The following NRP2 variants were observed in gnomAD, a reference collection of about 807,000 sequenced individuals.
NRP2 encodes neuropilin-2.
In NRP2, 52 loss-of-function variants were observed where a neutral mutation model predicts 110.4. The observed-to-expected ratio is 0.47, with a 90% CI of 0.38 to 0.59. The LOEUF (loss-of-function observed/expected upper bound fraction) is 0.59. Ranked by LOEUF, NRP2 falls within the 20% of genes least tolerant of loss-of-function variation. The pLI is 0.00. For synonymous variants in NRP2, 508 were observed against 468.9 expected, an observed-to-expected ratio of 1.08 and a Z score of -1.08; for missense variants, 1,049 against 1,203.0, an observed-to-expected ratio of 0.87 and a Z score of 1.89.
At chr2:205,769,482 C>CTG (rs552401929) in intron 15 of NRP2, among the ~76,000 whole-genome samples, 2 of 141,524 alleles carry the variant, frequency 1.4e-5, no homozygotes, top group East Asian at 4.3e-4. Context: ...GTGTTTTCTG[C>CTG]TGTGTGTGTG....
At chr2:205,778,891 C>T (rs765448577) in intron 15 of NRP2, 1 of 152,286 alleles carries the variant, frequency 6.6e-6, no homozygotes, top group Non-Finnish European at 1.5e-5. Context: ...TGTCACTCCC[C>T]ATCCTGCAAC....
At chr2:205,766,372 C>T (rs529260973) in intron 14 of NRP2, among the ~76,000 whole-genome samples, 13 of 152,318 alleles carry the variant, frequency 8.5e-5, no homozygotes, top group Non-Finnish European at 1.6e-4. Flanking sequence ...CCTTTCTTGG[C>T]ACACGACCCC....
chr2:205,741,311 T>G (rs545691212), intron 8 of NRP2, among the ~76,000 whole-genome samples: 6 of 152,332 alleles, frequency 3.9e-5, no homozygotes, highest in Admixed American at 3.9e-4. Context: ...CAAGGAAGAC[T>G]TCTTTGAGGA....
intron 14 of NRP2, 188 bp downstream of exon 14, chr2:205,765,758 A>G: frequency 5.5e-6 from 4 of 733,022 alleles, no homozygotes; most frequent in Non-Finnish European, 2.5e-6. Context: ...AAGGGGTGTG[A>G]GGTAAGGGGA....
rs1223381083 is a variant in NRP2, at chr2:205,778,216, A to G, written c.2425+11413A>G. 2.8e-5 allele frequency: 4 copies of G among 143,542 alleles called. No homozygotes were observed. The East Asian group carries it at 8.1e-4, about 29-fold the overall frequency. 8.9% of individuals were successfully genotyped at this position (143,542 alleles called of 1,614,324 possible). On this transcript the variant is annotated intron_variant, in intron 15 of 16. Transcript: ENST00000357785. ...AGGTTCCTTCTGAGAACAAAATACT[A>G]ATGATTTTTTTTTTTTTTTTGGCTG...
At chr2:205,737,440 G>GTAGAGATATTTGCCCACACT (rs2057365447) in intron 7 of NRP2, among the ~76,000 whole-genome samples, 1 of 152,220 alleles carries the variant, frequency 6.6e-6, no homozygotes, top group Non-Finnish European at 1.5e-5. Context: ...CCCGAGGGAG[G>GTAGAGATATTTGCCCACACT]TAGAGATATT....
At chr2:205,691,068 C>T (rs902109748) in intron 1 of NRP2, among the ~76,000 whole-genome samples, 4 of 152,152 alleles carry the variant, frequency 2.6e-5, no homozygotes, top group African/African-American at 9.7e-5. Flanking sequence ...TTTGATGTTC[C>T]TTTGGTCACT....
chr2:205,737,893 AT>A (rs1459087725), intron 7 of NRP2, among the ~76,000 whole-genome samples: 4 of 152,198 alleles, frequency 2.6e-5, no homozygotes, highest in Non-Finnish European at 5.9e-5. Flanking sequence ...ACATGTATCC[AT>A]GGGAAGACTG....
rs540000293 is a variant in NRP2, at chr2:205,739,960, G to GAA, written c.1147-557_1147-556dup. 176 of 211,242 alleles carry GAA rather than the reference G, an allele frequency of 8.3e-4. 2 individuals are homozygous for GAA. Among genetic ancestry groups the GAA allele is most frequent in the Non-Finnish European group, 1.4e-3 (143 of 104,264 alleles). The allele number at this position is 211,242 out of a possible 1,614,324, so 13.1% of individuals were successfully genotyped here. A position where few individuals can be genotyped will look rare whatever the true frequency, so the allele number is the denominator to read the frequency against. ...TGCCACAAAGATCAGAGAGAACCAA[G>GAA]AAAGTGTTGATTGACACAGGGCCAT... On this transcript the variant is annotated intron_variant, in intron 7 of 16. Coordinates refer to ENST00000357785, the MANE Select transcript of NRP2 (RefSeq NM_003872.3).
In NRP2 at chr2:205,739,682, CTTT is replaced by C. The variant is rs3047659; in HGVS notation, c.1147-819_1147-817del. 5.0e-3 allele frequency among the ~76,000 whole-genome samples: 622 copies of C among 124,910 alleles called. 12 individuals carry two copies. In the East Asian group the frequency reaches 0.073, roughly 15 times the overall value. 81.9% of individuals were successfully genotyped at this position (124,910 alleles called of 152,430 possible). A position where few individuals can be genotyped will look rare whatever the true frequency, so the allele number is the denominator to read the frequency against. On this transcript the variant is annotated intron_variant, in intron 7 of 16. Coordinates refer to ENST00000357785, the MANE Select transcript of NRP2 (RefSeq NM_003872.3). ...ACTCACATATACTTTGCTCTAGTTA[CTTT>C]TTTTTTTTTTTTTTTTTGAGCAGAG...
In NRP2 at chr2:205,794,877, T is replaced by A; in HGVS notation, c.2600T>A (p.Met867Lys). 6.2e-7 allele frequency: 1 copy of A among 1,614,160 alleles called. No individual in the cohort carries two copies. Among genetic ancestry groups the A allele is most frequent in the East Asian group, 2.2e-5 (1 of 44,872 alleles). Residue 867 changes from methionine to lysine, a missense_variant, in exon 17 of 17, where the codon ATG becomes AAG. Transcript: ENST00000357785. ...LDPILITIIA[M>K]SSLGVLLGAT... ...CCCATCCTCATCACCATCATCGCCA[T>A]GAGCTCACTGGGCGTCCTCCTGGGG...
chr2:205,794,735 T>C lies in NRP2; in HGVS notation c.2477-19T>C. 3.1e-6 allele frequency: 5 copies of C among 1,613,876 alleles called. No homozygotes were observed. The highest frequency in any genetic ancestry group is 2.5e-6 in the Non-Finnish European group (3 of 1,179,800). ...CATAGGCAGTGCCTGCAATCTCTCA[T>C]GAATTTTATGTATCGCAGATGAATA... is the stretch of plus-strand genomic sequence containing the variant. On this transcript the variant is annotated intron_variant, in intron 16 of 16. Coordinates refer to ENST00000357785, the MANE Select transcript of NRP2 (RefSeq NM_003872.3).
chr2:205,782,720 C>T (rs571411071), intron 15 of NRP2, among the ~76,000 whole-genome samples: 2 of 152,292 alleles, frequency 1.3e-5, no homozygotes, highest in East Asian at 3.9e-4. Context: ...TTTCATTTGA[C>T]ATCTTGAGGG....
chr2:205,716,440 A>G, intron 3 of NRP2, 66 bp downstream of exon 3: 2 of 1,556,312 alleles, frequency 1.3e-6, no homozygotes, highest in Non-Finnish European at 1.8e-6. Context: ...GACAGCACCC[A>G]GTGGGCTGAG....
At chr2:205,709,563 A>C (rs2056756810) in intron 2 of NRP2, among the ~76,000 whole-genome samples, 1 of 152,220 alleles carries the variant, frequency 6.6e-6, no homozygotes. Flanking sequence ...AGCAAGTGCC[A>C]GAAAGTAACT....
intron 8 of NRP2, among the ~76,000 whole-genome samples, chr2:205,741,355 A>C (rs549504062): frequency 1.3e-5 from 2 of 152,216 alleles, no homozygotes; most frequent in African/African-American, 4.8e-5. Context: ...AAGGCAAATA[A>C]CAGACATTAC....
At position 205,694,540 on chromosome 2, in the gene NRP2, C is replaced by A. The variant is rs114918831; in HGVS notation, c.74-3004C>A. ...GTCTTTTGTCAACTCACCCAGCGGGCTCAGTAGCTCAAACAGGGTCAATTT... is the reference window on the plus strand; with the variant it reads ...GTCTTTTGTCAACTCACCCAGCGGGATCAGTAGCTCAAACAGGGTCAATTT... On this transcript the variant is annotated intron_variant, in intron 1 of 16. Transcript: ENST00000357785. Among the ~76,000 whole-genome samples, 1,097 of 152,340 alleles carry A rather than the reference C, an allele frequency of 7.2e-3. 15 individuals carry two copies. The highest frequency in any genetic ancestry group is 0.025 in the African/African-American group (1,021 of 41,576).
At chr2:205,743,740 TTTTGTTTG>T (rs55976656) in intron 9 of NRP2, 188 bp downstream of exon 9, 7 of 978,788 alleles carry the variant, frequency 7.2e-6, no homozygotes, top group African/African-American at 1.6e-5. Context: ...TTTCTGACTC[TTTTGTTTG>T]TTTGTTTGTT....
chr2:205,707,825 A>T (rs1575565207), intron 2 of NRP2, among the ~76,000 whole-genome samples: 1 of 152,030 alleles, frequency 6.6e-6, no homozygotes, highest in Non-Finnish European at 1.5e-5. Context: ...GGAACTGTTC[A>T]CCCTGCCGAG....
Sources: allele counts gnomAD v4.1 joint callset (sites outside exome capture counted in the v4.1 genomes callset), GRCh38; gene constraint gnomAD v4.1.1; transcripts MANE v1.5; gene names NCBI Gene and HGNC (gene_info 2026-07-23, HGNC 2026-07-21).